ARID5B: variants seen among roughly 807,000 people sequenced by gnomAD.
ARID5B encodes the protein AT-rich interaction domain 5B, also known as AT-rich interactive domain-containing protein 5B.
Under a neutral mutation model 97.2 loss-of-function variants are expected in ARID5B, and 13 were observed. The ratio of observed to expected loss-of-function variants is 0.13; its 90% CI spans 0.09 to 0.21. The LOEUF is 0.21. Ranked by LOEUF, ARID5B falls within the 10% of genes least tolerant of loss-of-function variation. ARID5B has a pLI of 1.00. For synonymous variants in ARID5B, 556 were observed against 570.3 expected (o/e 0.97, Z 0.36); for missense variants, 1,210 against 1,465.3 (o/e 0.83, Z 2.84).
chr10:61,993,990 A>G (rs1039680519), intron 3 of ARID5B, among the ~76,000 whole-genome samples: 6 of 152,140 alleles, frequency 3.9e-5, no homozygotes, highest in African/African-American at 1.4e-4. Flanking sequence ...AAAAAAGGAG[A>G]AAGAAAACTG....
intron 3 of ARID5B, among the ~76,000 whole-genome samples, chr10:61,952,045 A>AG (rs1380834718): frequency 6.6e-6 from 1 of 152,128 alleles, no homozygotes; most frequent in Admixed American, 6.5e-5. Context: ...ATACATTTGT[A>AG]GGGGGGGATC....
intron 8 of ARID5B, among the ~76,000 whole-genome samples, chr10:62,072,803 T>A (rs1223930580): frequency 6.6e-6 from 1 of 152,234 alleles, no homozygotes; most frequent in Admixed American, 6.5e-5. Flanking sequence ...TCACCCATAA[T>A]CCTATGTGTT....
chr10:61,966,232 A>T (rs1387205498), intron 3 of ARID5B, among the ~76,000 whole-genome samples: 1 of 152,186 alleles, frequency 6.6e-6, no homozygotes, highest in African/African-American at 2.4e-5. Context: ...ATTTCATCCT[A>T]AATATATGCA....
intron 3 of ARID5B, among the ~76,000 whole-genome samples, chr10:61,965,839 C>T (rs1425082629): frequency 6.6e-6 from 1 of 152,036 alleles, no homozygotes; most frequent in Non-Finnish European, 1.5e-5. Flanking sequence ...AGAGGTAGGC[C>T]AGGGGTTGTT....
chr10:62,051,065 T>C (rs1839783167), intron 5 of ARID5B, 65 bp downstream of exon 5: 1 of 1,333,518 alleles, frequency 7.5e-7, no homozygotes. Flanking sequence ...TTTCTCTTTA[T>C]CTCTCTGTGC....
intron 3 of ARID5B, among the ~76,000 whole-genome samples, chr10:61,981,012 A>G (rs1838769748): frequency 6.6e-6 from 1 of 152,186 alleles, no homozygotes; most frequent in African/African-American, 2.4e-5. Flanking sequence ...CTCAGAACTT[A>G]TAAGCAGTGG....
In ARID5B at chr10:62,014,072, C is replaced by T. The variant is rs563359426; in HGVS notation, c.733+13751C>T. On this transcript the variant is annotated intron_variant, in intron 4 of 9. Coordinates refer to ENST00000279873, the MANE Select transcript of ARID5B (RefSeq NM_032199.3). ...TAGTGCTGCAGTGAACATGGGAGTG[C>T]AGATATCTCTTCGACATATTGATTT... Among the ~76,000 whole-genome samples the T allele has an allele frequency of 5.8e-4, 89 of 152,140 alleles. 1 individual carries two copies. The highest frequency in any genetic ancestry group is 2.1e-3 in the African/African-American group (87 of 41,494).
At chr10:62,049,374 G>C in intron 4 of ARID5B, 1 of 1,547,538 alleles carries the variant, frequency 6.5e-7, no homozygotes, top group Non-Finnish European at 8.7e-7. Flanking sequence ...GAGGGAAGCT[G>C]ACATCCACAC....
rs1165331059 is a variant in ARID5B, at chr10:62,095,777, AG to A, written c.*2751del. 4.3e-6 allele frequency: 1 copy of A among 231,402 alleles called. No homozygotes were observed. Among genetic ancestry groups the A allele is most frequent in the Non-Finnish European group, 8.6e-6 (1 of 116,698 alleles). The allele number at this position is 231,402 out of a possible 1,614,324, so 14.3% of individuals were successfully genotyped here. On this transcript the variant is annotated 3_prime_UTR_variant, in exon 10 of 10. Coordinates refer to ENST00000279873, the MANE Select transcript of ARID5B (RefSeq NM_032199.3). ...GCTTTGTTTGCATTGTTTGAGTTCA[AG>A]GGGCCTTATTATTGAATGGAATTGC...
At chr10:62,085,653 C>A in intron 8 of ARID5B, 49 bp from the exon 9 acceptor site, 1 of 1,465,386 alleles carries the variant, frequency 6.8e-7, no homozygotes, top group Non-Finnish European at 9.4e-7. Flanking sequence ...AGCATTGATG[C>A]TACTGGAATT....
chr10:62,009,025 C>T (rs935459317), intron 4 of ARID5B, among the ~76,000 whole-genome samples: 2 of 152,266 alleles, frequency 1.3e-5, no homozygotes, highest in South Asian at 4.1e-4. Flanking sequence ...AATCATTTCC[C>T]TTTTTAAAAT....
intron 3 of ARID5B, among the ~76,000 whole-genome samples, chr10:61,985,945 T>C (rs1353607549): frequency 6.6e-6 from 1 of 152,114 alleles, no homozygotes; most frequent in Admixed American, 6.5e-5. Context: ...AAGCTTCACT[T>C]AGGGATTGTT....
rs141049493 is a variant in ARID5B, at chr10:62,000,114, G to A, written c.526G>A (p.Val176Met). 5.6e-6 allele frequency: 9 copies of A among 1,613,930 alleles called. No homozygotes were observed. Among genetic ancestry groups the A allele is most frequent in the South Asian group, 1.1e-5 (1 of 91,072 alleles). ...AGGGGAGGACGAGGAAGAAACGAAC[G>A]TGATAGTTCTCAGCTACCCCCAGTA... ...DLGEDEEETN[V>M]IVLSYPQYCR... is the part of the protein sequence containing the mutation. Residue 176 changes from valine to methionine, a missense_variant, in exon 4 of 10, where the codon GTG (valine) becomes ATG (methionine). Val to Met is a conservative substitution (Grantham distance 21). Coordinates refer to ENST00000279873, the MANE Select transcript of ARID5B (RefSeq NM_032199.3). This position sits in a 1 kb window ranked among gnomAD's most constrained non-coding sequence, Gnocchi z 4.4.
chr10:61,921,720 C>G (rs1257131264), intron 2 of ARID5B, among the ~76,000 whole-genome samples: 1 of 152,210 alleles, frequency 6.6e-6, no homozygotes, highest in Non-Finnish European at 1.5e-5. Flanking sequence ...ATCTTCGAGG[C>G]CACCTATTAC....
At chr10:62,046,624 G>T (rs1490384924) in intron 4 of ARID5B, 1 of 152,216 alleles carries the variant, frequency 6.6e-6, no homozygotes, top group Non-Finnish European at 1.5e-5. Context: ...TCACAAAGGT[G>T]AATAGTTGTT....
intron 3 of ARID5B, among the ~76,000 whole-genome samples, chr10:61,992,817 A>G (rs147291902): frequency 4.1e-4 from 62 of 152,274 alleles, no homozygotes; most frequent in Non-Finnish European, 6.8e-4. Flanking sequence ...TGTCTCAGCA[A>G]TCTCAGGGCT....
chr10:61,966,348 C>A (rs575270409), intron 3 of ARID5B, among the ~76,000 whole-genome samples: 5 of 152,100 alleles, frequency 3.3e-5, no homozygotes, highest in African/African-American at 7.2e-5. Flanking sequence ...CCCTCCTCCC[C>A]CAAGAAGTCA....
intron 4 of ARID5B, among the ~76,000 whole-genome samples, chr10:62,026,568 T>A (rs959550554): frequency 2.6e-5 from 4 of 152,198 alleles, no homozygotes; most frequent in Admixed American, 6.5e-5. Flanking sequence ...AATACTTTTT[T>A]AAAAAAATTA....
chr10:62,013,280 C>T (rs7087125), intron 4 of ARID5B, among the ~76,000 whole-genome samples: 56,941 of 151,992 alleles, frequency 0.37, 11,824 homozygotes, highest in East Asian at 0.55. Flanking sequence ...CTCAGACCTT[C>T]AGAATTTGAA....
Sources: gnomAD v4.1 joint callset for allele counts (sites outside exome capture counted in the v4.1 genomes callset) on GRCh38, gnomAD v4.1.1 for gene constraint, Gnocchi (gnomAD v3.1) non-coding constraint, MANE v1.5 for transcripts, NCBI Gene and HGNC (gene_info 2026-07-23, HGNC 2026-07-21) for gene names.